Variants in MCMBP observed in about 807,000 individuals in gnomAD.
MCMBP encodes the protein mini-chromosome maintenance complex-binding protein.
In MCMBP, 31 loss-of-function variants were observed where a neutral mutation model predicts 81.3. The ratio of observed to expected loss-of-function variants is 0.38; its 90% CI spans 0.29 to 0.51. The LOEUF (loss-of-function observed/expected upper bound fraction) is 0.51. MCMBP is among the 20% of genes least tolerant of loss of function. The pLI, the probability that MCMBP is intolerant of heterozygous loss-of-function variation, is 0.87. For missense variants in MCMBP, 645 were observed against 772.1 expected (o/e 0.84, Z 1.95); for synonymous variants, 267 against 275.9 (o/e 0.97, Z 0.32).
At chr10:119,831,702 T>TA in intron 15 of MCMBP, 102 bp from the exon 16 acceptor site, 1 of 1,353,304 alleles carries the variant, frequency 7.4e-7, no homozygotes, top group East Asian at 2.4e-5. Flanking sequence ...CAGAGCACGT[T>TA]AGGAGACAAG....
At chr10:119,856,335 T>C (rs1037183114) in intron 5 of MCMBP, among the ~76,000 whole-genome samples, 29 of 152,166 alleles carry the variant, frequency 1.9e-4, no homozygotes, top group African/African-American at 6.0e-4. Flanking sequence ...AAATGCTCAA[T>C]TGGAGACTGT....
rs1299226700 is a variant in MCMBP, at chr10:119,842,544, C to G, written c.1052G>C (p.Gly351Ala). The G allele has an allele frequency of 6.2e-7, 1 of 1,613,682 alleles. No individual in the cohort carries two copies. Among genetic ancestry groups the G allele is most frequent in the Non-Finnish European group, 8.5e-7 (1 of 1,179,848 alleles). ...ELSPVRAELL[G>A]FLTHALLGDS... ...CCCCAGAAGGGCATGAGTAAGGAAC[C>G]CAAGAAGTTCTGCTCTGACTGGAGA... The change falls in exon 10 of 16, where the codon GGG becomes GCG. Residue 351 changes from glycine (G) to alanine (A), a missense_variant. Coordinates refer to ENST00000369077, the MANE Select transcript of MCMBP (RefSeq NM_001256378.2).
At chr10:119,859,932 A>G (rs1853191934) in intron 1 of MCMBP, 48 bp from the exon 2 acceptor site, 1 of 1,364,016 alleles carries the variant, frequency 7.3e-7, no homozygotes, top group Non-Finnish European at 1.0e-6. Context: ...GCAATATATA[A>G]TAAAAGACTA....
Position 119,831,407 on chromosome 10 carries a change from ATGAATATC to A in MCMBP, c.*59_*66del. 1 of 1,582,988 alleles carries A rather than the reference ATGAATATC, an allele frequency of 6.3e-7. No homozygotes were observed. The highest frequency in any genetic ancestry group is 1.1e-5 in the South Asian group (1 of 88,092). On this transcript the variant is annotated 3_prime_UTR_variant, in exon 16 of 16. Transcript: ENST00000369077. ...TTACCTATAAAACAATGTGGTATAAATGAATATCTGAATTTTACAATTATGTGGCTACA... is the reference window on the plus strand; with the variant it reads ...TTACCTATAAAACAATGTGGTATAAATGAATTTTACAATTATGTGGCTACA...
intron 6 of MCMBP, among the ~76,000 whole-genome samples, chr10:119,850,686 T>C (rs1852781288): frequency 6.7e-6 from 1 of 148,674 alleles, no homozygotes; most frequent in African/African-American, 2.5e-5. Flanking sequence ...GAGGCGGAGC[T>C]TGCAGTGAGC....
In MCMBP at chr10:119,829,614, C is replaced by T. The variant is rs551333411; in HGVS notation, c.*1860G>A. On this transcript the variant is annotated 3_prime_UTR_variant, in exon 16 of 16. Coordinates refer to ENST00000369077, the MANE Select transcript of MCMBP (RefSeq NM_001256378.2). ...GTGAGGGACAAAGGGTTTCTGCAGC[C>T]AAGCACTGCACTCCATTCCGCTGCC... 1 of 152,358 alleles carries T rather than the reference C, an allele frequency of 6.6e-6. No individual in the cohort carries two copies. The highest frequency in any genetic ancestry group is 1.5e-5 in the Non-Finnish European group (1 of 68,102). 9.4% of individuals were successfully genotyped at this position (152,358 alleles called of 1,614,324 possible).
intron 4 of MCMBP, chr10:119,857,820 C>A (rs540322656): frequency 6.5e-6 from 1 of 154,554 alleles, no homozygotes; most frequent in South Asian, 2.0e-4. Flanking sequence ...CAATATCAGT[C>A]CGTTAATTCA....
chr10:119,854,568 TAAATAAATAAAACA>T (rs1214538722), intron 5 of MCMBP, among the ~76,000 whole-genome samples: 1 of 143,480 alleles, frequency 7.0e-6, no homozygotes, highest in East Asian at 2.3e-4. Context: ...AATAAATAAA[TAAATAAATAAAACA>T]AAATGAAGGT....
rs754257620 is a variant in MCMBP, at chr10:119,858,940, A to G, written c.286-15T>C. On this transcript the variant is annotated splice_polypyrimidine_tract_variant and intron_variant, in intron 3 of 15. Coordinates refer to ENST00000369077, the MANE Select transcript of MCMBP (RefSeq NM_001256378.2). ...AAATGAAGAACCTATGACCCCAAAC[A>G]TAGAAAAACAGAATTATATCAATAT... The G allele has an allele frequency of 1.9e-6, 3 of 1,612,274 alleles. No homozygotes were observed. The South Asian group carries it at 3.3e-5, about 18-fold the overall frequency.
intron 8 of MCMBP, among the ~76,000 whole-genome samples, chr10:119,844,857 T>C (rs4752346): frequency 0.11 from 16,871 of 152,078 alleles, 1,137 homozygotes; most frequent in Non-Finnish European, 0.15. Context: ...TTTTGGACTC[T>C]TGGACCTACA....
In MCMBP at chr10:119,830,304, C is replaced by T. The variant is rs936322060; in HGVS notation, c.*1170G>A. Reference sequence around the variant, plus strand: ...CTTAAAAAGTAATGTCCTAACCTTTCTGAAGATTCTGGTTGCCATAACCAT... The same window carrying T: ...CTTAAAAAGTAATGTCCTAACCTTTTTGAAGATTCTGGTTGCCATAACCAT... On this transcript the variant is annotated 3_prime_UTR_variant, in exon 16 of 16. Coordinates refer to ENST00000369077, the MANE Select transcript of MCMBP (RefSeq NM_001256378.2). The T allele has an allele frequency of 3.3e-5, 5 of 152,534 alleles. No individual in the cohort carries two copies. The highest frequency in any genetic ancestry group is 1.2e-4 in the African/African-American group (5 of 41,454). The allele number at this position is 152,534 out of a possible 1,614,324, so 9.4% of individuals were successfully genotyped here. A position where few individuals can be genotyped will look rare whatever the true frequency, so the allele number is the denominator to read the frequency against.
chr10:119,873,277 G>A (rs1344336725), upstream of MCMBP, among the ~76,000 whole-genome samples: 1 of 151,998 alleles, frequency 6.6e-6, no homozygotes, highest in Non-Finnish European at 1.5e-5. Flanking sequence ...ACTTTTATTT[G>A]GGTCCCCGGC....
At chr10:119,847,775 T>C in intron 7 of MCMBP, 62 bp from the exon 8 acceptor site, 2 of 908,392 alleles carry the variant, frequency 2.2e-6, no homozygotes, top group South Asian at 3.2e-5. Flanking sequence ...GATATTAGTC[T>C]TGAAGTACCA....
intron 1 of MCMBP, among the ~76,000 whole-genome samples, chr10:119,871,269 G>C (rs949036762): frequency 4.6e-5 from 7 of 151,850 alleles, no homozygotes; most frequent in Admixed American, 2.0e-4. Context: ...GAATTCTTAT[G>C]AACATAAATT....
At chr10:119,864,431 C>T (rs991881224) in intron 1 of MCMBP, among the ~76,000 whole-genome samples, 2 of 151,856 alleles carry the variant, frequency 1.3e-5, no homozygotes, top group Admixed American at 1.3e-4. Context: ...TTGTATTATC[C>T]TTTTCATGCC....
chr10:119,873,480 C>G (rs1259898105), upstream of MCMBP: 2 of 152,270 alleles, frequency 1.3e-5, no homozygotes, highest in African/African-American at 2.4e-5. Context: ...GCCCTGGTTG[C>G]GAACACCGGG....
intron 7 of MCMBP, 135 bp downstream of exon 7, chr10:119,849,290 G>A: frequency 1.1e-6 from 1 of 885,802 alleles, no homozygotes; most frequent in Non-Finnish European, 1.7e-6. Flanking sequence ...AACTTTTGCT[G>A]CTTTAGGCTA....
chr10:119,862,520 A>G (rs539015690), intron 1 of MCMBP, among the ~76,000 whole-genome samples: 29 of 152,334 alleles, frequency 1.9e-4, no homozygotes, highest in African/African-American at 6.7e-4. Flanking sequence ...ACACATTTGT[A>G]TATCAATACT....
At position 119,849,596 on chromosome 10, in the gene MCMBP, T is replaced by C. The variant is rs1385913021; in HGVS notation, c.575-20A>G. ...CACTCCCTAAATTCAAAGGATAGCATTGCACTTAGTCATTTCTAAGGCCTC... is the reference window on the plus strand; with the variant it reads ...CACTCCCTAAATTCAAAGGATAGCACTGCACTTAGTCATTTCTAAGGCCTC... On this transcript the variant is annotated intron_variant, in intron 6 of 15. Coordinates refer to ENST00000369077, the MANE Select transcript of MCMBP (RefSeq NM_001256378.2). 2 of 1,544,432 alleles carry C rather than the reference T, an allele frequency of 1.3e-6. No individual in the cohort carries two copies. Among genetic ancestry groups the C allele is most frequent in the East Asian group, 2.4e-5 (1 of 41,338 alleles).
Sources: gnomAD v4.1 joint callset for allele counts (sites outside exome capture counted in the v4.1 genomes callset) on GRCh38, gnomAD v4.1.1 for gene constraint, MANE v1.5 for transcripts, NCBI Gene and HGNC (gene_info 2026-07-23, HGNC 2026-07-21) for gene names.